The following UPP2 variants were observed in gnomAD, a reference collection of about 807,000 sequenced individuals.
UPP2 encodes uridine phosphorylase 2.
Under a neutral mutation model 26.7 loss-of-function variants are expected in UPP2, and 23 were observed. The ratio of observed to expected loss-of-function variants is 0.86; its 90% CI spans 0.62 to 1.22. The LOEUF (loss-of-function observed/expected upper bound fraction) is 1.22. Ranked by LOEUF, UPP2 falls within the 50% of genes most tolerant of loss-of-function variation. The pLI, the probability that UPP2 is intolerant of heterozygous loss-of-function variation, is 0.00. For synonymous variants in UPP2, 127 were observed against 141.3 expected (o/e 0.90, Z 0.72); for missense variants, 387 against 396.7 (o/e 0.98, Z 0.21).
At chr2:158,065,314 G>A (rs1399817257) in intron 3 of UPP2, among the ~76,000 whole-genome samples, 1 of 152,170 alleles carries the variant, frequency 6.6e-6, no homozygotes, top group Non-Finnish European at 1.5e-5. Flanking sequence ...CCTAGATAGG[G>A]TAAACCTCAG....
intron 4 of UPP2, among the ~76,000 whole-genome samples, chr2:158,118,815 TGGA>T (rs1166461042): frequency 1.3e-5 from 2 of 151,868 alleles, no homozygotes; most frequent in Non-Finnish European, 2.9e-5. Flanking sequence ...CACAAGTAGG[TGGA>T]GAAGTGGTGT....
chr2:158,036,612 TG>T lies in UPP2; in HGVS notation c.147+20727del, dbSNP rs1404176972. On this transcript the variant is annotated intron_variant, in intron 3 of 9. Coordinates refer to the UPP2 transcript ENST00000605860. Reference sequence around the variant, plus strand: ...TCTTATCTGTTCGTTCATAAGCTGGTGTAAGTAAGGCTCTGAGAAACACACA... The same window carrying T: ...TCTTATCTGTTCGTTCATAAGCTGGTTAAGTAAGGCTCTGAGAAACACACA... Among the ~76,000 whole-genome samples the T allele has an allele frequency of 3.3e-5, 5 of 152,280 alleles. No homozygotes were observed. The East Asian group carries it at 9.6e-4, about 29-fold the overall frequency.
intron 3 of UPP2, among the ~76,000 whole-genome samples, chr2:158,044,803 T>C (rs1030038075): frequency 4.9e-4 from 75 of 152,254 alleles, no homozygotes; most frequent in African/African-American, 1.6e-3. Context: ...CTCTGTAACC[T>C]AAACGGCTCT....
intron 3 of UPP2, among the ~76,000 whole-genome samples, chr2:158,049,455 A>G (rs1396019179): frequency 1.3e-5 from 2 of 152,204 alleles, no homozygotes; most frequent in Non-Finnish European, 2.9e-5. Context: ...GGTTTTGTTA[A>G]ATGTTCTTTC....
At chr2:158,090,820 C>G (rs1682900113) in intron 3 of UPP2, among the ~76,000 whole-genome samples, 2 of 152,114 alleles carry the variant, frequency 1.3e-5, no homozygotes, top group South Asian at 4.2e-4. Context: ...CCACTGAGGC[C>G]CAGAGAGGAT....
chr2:158,079,384 G>A (rs1485744554), intron 3 of UPP2, among the ~76,000 whole-genome samples: 4 of 152,020 alleles, frequency 2.6e-5, no homozygotes, highest in African/African-American at 9.7e-5. Context: ...TCTTGGATTG[G>A]CTGATCAGGG....
intron 3 of UPP2, among the ~76,000 whole-genome samples, chr2:158,080,022 G>T (rs1173463747): frequency 6.6e-6 from 1 of 151,862 alleles, no homozygotes; most frequent in Non-Finnish European, 1.5e-5. Flanking sequence ...AAATATCCCT[G>T]GTCTTAGCCC....
At chr2:158,098,976 A>C (rs1410964046), upstream of UPP2, among the ~76,000 whole-genome samples, 1 of 152,218 alleles carries the variant, frequency 6.6e-6, no homozygotes, top group African/African-American at 2.4e-5. Flanking sequence ...AGGCACCTAT[A>C]ACCTATGTAT....
chr2:158,006,476 C>CAAA lies in UPP2; in HGVS notation c.62-9304_62-9302dup, dbSNP rs3038697. On this transcript the variant is annotated intron_variant, in intron 2 of 9. Transcript: ENST00000605860. ...TGGGTGAAAGAGCGAGACTCCGTCTCAAAAAAAAAAAAAAAAAAAAAAAGT... is the reference window on the plus strand; with the variant it reads ...TGGGTGAAAGAGCGAGACTCCGTCTCAAAAAAAAAAAAAAAAAAAAAAAAAAGT... Among the ~76,000 whole-genome samples, 41 of 77,374 alleles carry CAAA rather than the reference C, an allele frequency of 5.3e-4. 1 individual carries two copies. Among genetic ancestry groups the CAAA allele is most frequent in the African/African-American group, 1.2e-3 (21 of 18,204 alleles). The allele number at this position is 77,374 out of a possible 152,430, so 50.8% of individuals were successfully genotyped here. A position where few individuals can be genotyped will look rare whatever the true frequency, so the allele number is the denominator to read the frequency against.
intron 3 of UPP2, among the ~76,000 whole-genome samples, chr2:158,037,781 C>T (rs982140909): frequency 2.7e-5 from 4 of 146,964 alleles, no homozygotes; most frequent in Non-Finnish European, 5.9e-5. Context: ...ACATCTGCAA[C>T]GACCCTATTT....
At chr2:158,123,957 T>A in intron 6 of UPP2, 62 bp downstream of exon 6, 1 of 1,556,890 alleles carries the variant, frequency 6.4e-7, no homozygotes, top group South Asian at 1.2e-5. Context: ...CTTTTACACC[T>A]TAGGAGAAGA....
At chr2:158,122,707 A>C (rs1369661917) in intron 5 of UPP2, among the ~76,000 whole-genome samples, 1 of 149,234 alleles carries the variant, frequency 6.7e-6, no homozygotes, top group Non-Finnish European at 1.5e-5. Flanking sequence ...CTAGCATTTA[A>C]AAATGTACAC....
rs151305258 is a variant in UPP2 at position 158,033,865 on chromosome 2, T to C, written c.147+17979T>C. ...GCAATGAAATTAGTTTATTTGCTTATTCCAACCTGTTGAGAAGAGTGCATT... is the reference window on the plus strand; with the variant it reads ...GCAATGAAATTAGTTTATTTGCTTACTCCAACCTGTTGAGAAGAGTGCATT... On this transcript the variant is annotated intron_variant, in intron 3 of 9. Coordinates refer to the UPP2 transcript ENST00000605860. 4.2e-4 allele frequency among the ~76,000 whole-genome samples: 64 copies of C among 152,192 alleles called. No homozygotes were observed. In the Middle Eastern group the frequency reaches 0.02, roughly 49 times the overall value.
intron 3 of UPP2, among the ~76,000 whole-genome samples, chr2:158,059,545 A>G (rs1204959310): frequency 6.6e-6 from 1 of 152,234 alleles, no homozygotes; most frequent in Non-Finnish European, 1.5e-5. Flanking sequence ...AGGAATGACC[A>G]AACTTAAGCA....
At chr2:158,040,815 G>A (rs1684072656) in intron 3 of UPP2, among the ~76,000 whole-genome samples, 1 of 152,122 alleles carries the variant, frequency 6.6e-6, no homozygotes, top group Non-Finnish European at 1.5e-5. Flanking sequence ...GGCTATAGTA[G>A]GATAAGATTT....
intron 2 of UPP2, among the ~76,000 whole-genome samples, chr2:158,002,559 G>C (rs1038840979): frequency 2.0e-5 from 3 of 152,252 alleles, no homozygotes; most frequent in Non-Finnish European, 2.9e-5. Context: ...TGGGCCATTT[G>C]AGACAGGTAG....
chr2:158,099,391 G>A (rs1170011072), upstream of UPP2, among the ~76,000 whole-genome samples: 1 of 152,164 alleles, frequency 6.6e-6, no homozygotes, highest in Non-Finnish European at 1.5e-5. Flanking sequence ...CAGGAGGAAA[G>A]GGCTCTTGGT....
At chr2:158,105,318 G>T (rs1454570420) in intron 1 of UPP2, among the ~76,000 whole-genome samples, 2 of 152,148 alleles carry the variant, frequency 1.3e-5, no homozygotes, top group Admixed American at 6.5e-5. Flanking sequence ...AGGAAGGATT[G>T]GTGTTCTAGC....
In UPP2 at chr2:158,117,923, A is replaced by G. The variant is rs1461207981; in HGVS notation, c.439A>G (p.Thr147Ala). Residue 147 changes from threonine (T) to alanine (A), a missense_variant, in exon 4 of 7, where the codon ACA becomes GCA. By Grantham distance (58) the Thr-to-Ala change is moderately conservative. Coordinates refer to ENST00000005756, the MANE Select transcript of UPP2 (RefSeq NM_173355.4). ...CGATGTCACCATTATTAGAATCGGT[A>G]CATCAGGGGGAATAGGTGAGACGGA... ...CCDVTIIRIG[T>A]SGGIGIAPGT... 5.6e-6 allele frequency: 9 copies of G among 1,610,898 alleles called. No individual in the cohort carries two copies. Among genetic ancestry groups the G allele is most frequent in the Non-Finnish European group, 6.8e-6 (8 of 1,177,088 alleles).
Sources: allele counts gnomAD v4.1 joint callset (sites outside exome capture counted in the v4.1 genomes callset), GRCh38; gene constraint gnomAD v4.1.1; transcripts MANE v1.5; gene names NCBI Gene and HGNC (gene_info 2026-07-23, HGNC 2026-07-21).